PLEKHA8: variants seen among roughly 807,000 people sequenced by gnomAD.
The protein encoded by PLEKHA8 is pleckstrin homology domain containing A8, also known as pleckstrin homology domain-containing family A member 8.
Under a neutral mutation model 68.2 loss-of-function variants are expected in PLEKHA8, and 36 were observed. The observed-to-expected ratio is 0.53, with a 90% CI of 0.40 to 0.70. The LOEUF (loss-of-function observed/expected upper bound fraction) is 0.70, where lower values mean the gene tolerates loss of function less well. Among genes scored for constraint, PLEKHA8 ranks in the 30% least tolerant of loss-of-function variants. The probability of loss-of-function intolerance (pLI) is 0.00; values close to 1 mark genes in which losing one functional copy is unlikely to be tolerated. For synonymous variants in PLEKHA8, 211 were observed against 216.1 expected, an observed-to-expected ratio of 0.98 and a Z score of 0.20; for missense variants, 505 against 615.4, an observed-to-expected ratio of 0.82 and a Z score of 1.90.
chr7:30,095,638 T>C (rs959651724), downstream of PLEKHA8, among the ~76,000 whole-genome samples: 3 of 152,256 alleles, frequency 2.0e-5, no homozygotes, highest in African/African-American at 7.2e-5. Context: ...GGTTTTCTTC[T>C]AGGGTTTTTA....
At chr7:30,052,589 G>A in intron 6 of PLEKHA8, 120 bp from the exon 7 acceptor site, 1 of 799,642 alleles carries the variant, frequency 1.3e-6, no homozygotes, top group South Asian at 2.2e-5. Flanking sequence ...GCAGTGAGCT[G>A]TGATTGTGCC....
At chr7:30,054,347 T>C (rs989959600) in intron 7 of PLEKHA8, among the ~76,000 whole-genome samples, 1 of 152,178 alleles carries the variant, frequency 6.6e-6, no homozygotes, top group Admixed American at 6.5e-5. Flanking sequence ...CACAAATACA[T>C]ATAGAATGTG....
chr7:30,082,574 A>G lies in PLEKHA8; in HGVS notation c.*3787A>G. On this transcript the variant is annotated 3_prime_UTR_variant, in exon 14 of 14. Coordinates refer to ENST00000449726, the MANE Select transcript of PLEKHA8 (RefSeq NM_001197026.2). ...AGGAGTGCAGCGGAAAAAAATTTGC[A>G]CTCTTCTCCTTTTGGTTATTACTTT... 1 of 985,092 alleles carries G rather than the reference A, an allele frequency of 1.0e-6. No individual in the cohort carries two copies. The highest frequency in any genetic ancestry group is 1.2e-6 in the Non-Finnish European group (1 of 829,842). 61.0% of individuals were successfully genotyped at this position (985,092 alleles called of 1,614,324 possible). A position where few individuals can be genotyped will look rare whatever the true frequency, so the allele number is the denominator to read the frequency against.
In PLEKHA8 at chr7:30,049,236, G is replaced by T. The variant is rs149804181; in HGVS notation, c.451G>T (p.Val151Leu). 2.0e-5 allele frequency: 33 copies of T among 1,613,878 alleles called. No individual in the cohort carries two copies. Among genetic ancestry groups the T allele is most frequent in the Non-Finnish European group, 2.8e-5 (33 of 1,179,992 alleles). Residue 151 changes from valine (V) to leucine (L), a missense_variant, in exon 5 of 14, where the codon GTG becomes TTG. Physicochemically the swap from Val to Leu is conservative, Grantham distance 32. Transcript: ENST00000449726. ...GVSNSEEGID[V>L]GTLLKSTCNT... Reference sequence around the variant, plus strand: ...GGTTGTTTCGTAGGAGGGAATTGATGTGGGAACTTTGCTGAAATCAACCTG... The same window carrying T: ...GGTTGTTTCGTAGGAGGGAATTGATTTGGGAACTTTGCTGAAATCAACCTG...
chr7:30,034,633 A>G (rs992803698), intron 1 of PLEKHA8, among the ~76,000 whole-genome samples: 2 of 152,192 alleles, frequency 1.3e-5, no homozygotes, highest in Admixed American at 6.5e-5. Context: ...GGTCATTGTA[A>G]AGGTCTTCAT....
chr7:30,035,718 C>T (rs1436574896), intron 1 of PLEKHA8, among the ~76,000 whole-genome samples: 1 of 152,044 alleles, frequency 6.6e-6, no homozygotes, highest in East Asian at 1.9e-4. Flanking sequence ...AATGTCGGCT[C>T]ACTGCAACCT....
chr7:30,090,090 C>G, intron 12 of PLEKHA8: 1 of 1,491,534 alleles, frequency 6.7e-7, no homozygotes, highest in Non-Finnish European at 9.0e-7. Context: ...AGATAAAATA[C>G]AGAAGATTTT....
intron 7 of PLEKHA8, 76 bp from the exon 8 acceptor site, chr7:30,054,633 G>A (rs974080649): frequency 9.8e-7 from 1 of 1,020,312 alleles, no homozygotes; most frequent in Admixed American, 4.0e-5. Context: ...CTGTGTTTTA[G>A]AAATTTTCAA....
chr7:30,055,932 CA>C (rs914950958), intron 9 of PLEKHA8, among the ~76,000 whole-genome samples: 1 of 146,628 alleles, frequency 6.8e-6, no homozygotes, highest in African/African-American at 2.5e-5. Context: ...CATACCCAAC[CA>C]AAACATATTT....
intron 13 of PLEKHA8, among the ~76,000 whole-genome samples, chr7:30,096,953 G>A (rs977574898): frequency 9.9e-5 from 15 of 152,132 alleles, no homozygotes; most frequent in African/African-American, 3.1e-4. Context: ...TGTTGGTACC[G>A]GTGGCTGGTA....
At position 30,084,009 on chromosome 7, in the gene PLEKHA8, A is replaced by T; in HGVS notation, c.*5222A>T. ...ATGAGCCAGTTCCATGGCATGTTTA[A>T]TGTATAATTCCCATGTATCATGAGA... On this transcript the variant is annotated 3_prime_UTR_variant, in exon 14 of 14. Transcript: ENST00000449726. 2 of 985,426 alleles carry T rather than the reference A, an allele frequency of 2.0e-6. No homozygotes were observed. Among genetic ancestry groups the T allele is most frequent in the Non-Finnish European group, 2.4e-6 (2 of 829,924 alleles). The allele number at this position is 985,426 out of a possible 1,614,324, so 61.0% of individuals were successfully genotyped here.
chr7:30,077,993 T>C (rs943583569), intron 13 of PLEKHA8, among the ~76,000 whole-genome samples: 3 of 152,130 alleles, frequency 2.0e-5, no homozygotes, highest in African/African-American at 7.2e-5. Context: ...AAAATAGAGA[T>C]ATAAACTGTA....
intron 1 of PLEKHA8, among the ~76,000 whole-genome samples, chr7:30,029,571 G>A (rs1790494987): frequency 6.6e-6 from 1 of 152,104 alleles, no homozygotes; most frequent in Non-Finnish European, 1.5e-5. Flanking sequence ...GATCATTTTT[G>A]TCATGTGTGC....
intron 3 of PLEKHA8, 91 bp from the exon 4 acceptor site, chr7:30,047,741 A>T: frequency 7.6e-7 from 1 of 1,320,948 alleles, no homozygotes; most frequent in Non-Finnish European, 1.0e-6. Context: ...GTGGTATCCT[A>T]ACTAGTAAGG....
intron 6 of PLEKHA8, among the ~76,000 whole-genome samples, chr7:30,052,404 A>C (rs977185601): frequency 2.0e-5 from 3 of 152,154 alleles, no homozygotes; most frequent in Non-Finnish European, 4.4e-5. Context: ...TAGAACGCTG[A>C]GGTGGGAGGA....
intron 10 of PLEKHA8, 111 bp downstream of exon 10, chr7:30,061,053 T>C (rs1329162028): frequency 6.5e-6 from 6 of 919,740 alleles, no homozygotes; most frequent in Non-Finnish European, 9.9e-6. Context: ...TCACTGTTCT[T>C]TTAAGAGAGC....
intron 13 of PLEKHA8, among the ~76,000 whole-genome samples, chr7:30,100,680 A>T (rs886114097): frequency 2.0e-5 from 3 of 152,246 alleles, no homozygotes; most frequent in African/African-American, 7.2e-5. Flanking sequence ...CAAGGTAAGG[A>T]TATCTGTTGT....
intron 13 of PLEKHA8, among the ~76,000 whole-genome samples, chr7:30,126,375 C>T (rs1250095232): frequency 6.6e-6 from 1 of 152,176 alleles, no homozygotes; most frequent in Admixed American, 6.5e-5. Flanking sequence ...GTCAAGATCT[C>T]TAGGACTCCT....
At chr7:30,044,634 CTTATTTCTAAGTTTTGGA>C (rs562054591) in intron 1 of PLEKHA8, among the ~76,000 whole-genome samples, 38 of 152,296 alleles carry the variant, frequency 2.5e-4, no homozygotes, top group African/African-American at 8.2e-4. Context: ...TCTTTGTTGC[CTTATTTCTAAGTTTTGGA>C]TAATTTTTCT....
Sources: allele counts gnomAD v4.1 joint callset (sites outside exome capture counted in the v4.1 genomes callset), GRCh38; gene constraint gnomAD v4.1.1; transcripts MANE v1.5; gene names NCBI Gene and HGNC (gene_info 2026-07-23, HGNC 2026-07-21).